Variants in TMPRSS11A observed in about 807,000 individuals in gnomAD.
TMPRSS11A encodes the protein transmembrane serine protease 11A, also known as transmembrane protease serine 11A.
TMPRSS11A carries 53 observed loss-of-function variants against 58.9 expected under a neutral mutation model. That is an observed-to-expected ratio of 0.90 (90% confidence interval 0.72 to 1.13). The LOEUF (loss-of-function observed/expected upper bound fraction) is 1.13. Among genes scored for constraint, TMPRSS11A ranks in the 50% most tolerant of loss-of-function variants. TMPRSS11A has a pLI of 0.00. For missense variants in TMPRSS11A, 493 were observed against 499.3 expected (o/e 0.99, Z 0.12); for synonymous variants, 167 against 169.8 (o/e 0.98, Z 0.13).
intron 1 of TMPRSS11A, among the ~76,000 whole-genome samples, chr4:67,948,628 C>T (rs1721085729): frequency 6.6e-6 from 1 of 152,206 alleles, no homozygotes; most frequent in Admixed American, 6.5e-5. Flanking sequence ...TGTGCACCGA[C>T]TGATTAAAAA....
At chr4:67,944,723 A>T in intron 2 of TMPRSS11A, 86 bp from the exon 3 acceptor site, 2 of 1,091,298 alleles carry the variant, frequency 1.8e-6, no homozygotes, top group Non-Finnish European at 2.7e-6. Context: ...ATAAATCTTG[A>T]ATATGTCCCT....
chr4:67,943,531 C>G (rs144529591), intron 3 of TMPRSS11A, among the ~76,000 whole-genome samples: 5 of 152,066 alleles, frequency 3.3e-5, no homozygotes, highest in African/African-American at 1.2e-4. Flanking sequence ...GCAGGCTCCC[C>G]GTTCATCCTA....
chr4:67,919,925 G>A (rs543065655), intron 7 of TMPRSS11A, among the ~76,000 whole-genome samples: 52 of 152,106 alleles, frequency 3.4e-4, no homozygotes, highest in Non-Finnish European at 1.9e-4. Context: ...ATGATAAAGT[G>A]CTTAAATTTT....
intron 1 of TMPRSS11A, among the ~76,000 whole-genome samples, chr4:67,948,617 A>G (rs2319692): frequency 0.95 from 144,754 of 152,276 alleles, 69,260 homozygotes; most frequent in East Asian, 1. Context: ...TATTGACCAT[A>G]TGTGCACCGA....
chr4:67,957,889 T>C (rs1721325707), intron 1 of TMPRSS11A, among the ~76,000 whole-genome samples: 1 of 152,146 alleles, frequency 6.6e-6, no homozygotes, highest in African/African-American at 2.4e-5. Flanking sequence ...GTCTAGGGAC[T>C]TGTTGCCTTG....
intron 3 of TMPRSS11A, among the ~76,000 whole-genome samples, chr4:67,938,986 CT>C (rs1170115780): frequency 6.6e-6 from 1 of 151,536 alleles, no homozygotes; most frequent in East Asian, 2.0e-4. Flanking sequence ...AGCATTGAAT[CT>C]GTAGATTGCT....
chr4:67,923,716 G>T (rs1418952680), intron 6 of TMPRSS11A, among the ~76,000 whole-genome samples: 1 of 152,070 alleles, frequency 6.6e-6, no homozygotes, highest in Non-Finnish European at 1.5e-5. Context: ...CTCCATGTTG[G>T]TCAGGCTGGT....
At chr4:67,946,426 A>C in intron 2 of TMPRSS11A, 24 bp downstream of exon 2, 1 of 1,572,930 alleles carries the variant, frequency 6.4e-7, no homozygotes, top group Non-Finnish European at 8.6e-7. Flanking sequence ...AATCAAATAG[A>C]GTGAAATCTT....
chr4:67,934,574 A>T (rs546746005), intron 3 of TMPRSS11A, among the ~76,000 whole-genome samples: 6 of 152,188 alleles, frequency 3.9e-5, no homozygotes, highest in African/African-American at 7.2e-5. Flanking sequence ...AGAATTTTGT[A>T]GTTGGAGTTT....
intron 8 of TMPRSS11A, among the ~76,000 whole-genome samples, chr4:67,915,090 T>C (rs1720111061): frequency 6.6e-6 from 1 of 152,256 alleles, no homozygotes. Flanking sequence ...CCTAGATGGT[T>C]TTCTCCATTG....
intron 5 of TMPRSS11A, among the ~76,000 whole-genome samples, chr4:67,925,325 T>C (rs1391148118): frequency 6.6e-6 from 1 of 152,194 alleles, no homozygotes; most frequent in Non-Finnish European, 1.5e-5. Flanking sequence ...ATAAAGTTGG[T>C]GGAAGGTTTC....
intron 5 of TMPRSS11A, among the ~76,000 whole-genome samples, chr4:67,924,779 A>G (rs1485611678): frequency 6.6e-6 from 1 of 152,142 alleles, no homozygotes; most frequent in African/African-American, 2.4e-5. Flanking sequence ...AACTGCACCC[A>G]TGATTTAATT....
intron 7 of TMPRSS11A, among the ~76,000 whole-genome samples, chr4:67,919,761 G>T (rs1720269374): frequency 6.6e-6 from 1 of 152,170 alleles, no homozygotes; most frequent in African/African-American, 2.4e-5. Context: ...TAGTAAAAGA[G>T]GGTCAGTGTG....
At chr4:67,959,672 G>T (rs1166624346) in intron 1 of TMPRSS11A, among the ~76,000 whole-genome samples, 1 of 152,142 alleles carries the variant, frequency 6.6e-6, no homozygotes, top group Non-Finnish European at 1.5e-5. Context: ...TCAAAAAACA[G>T]CAGTTGCTGG....
intron 1 of TMPRSS11A, among the ~76,000 whole-genome samples, chr4:67,952,289 G>A (rs999609742): frequency 5.3e-5 from 8 of 152,212 alleles, no homozygotes; most frequent in East Asian, 3.9e-4. Context: ...TGACTTAGAA[G>A]CCTGTTTTCT....
chr4:67,944,895 G>A (rs758555529), intron 2 of TMPRSS11A, among the ~76,000 whole-genome samples: 13 of 152,104 alleles, frequency 8.5e-5, no homozygotes, highest in Non-Finnish European at 1.5e-4. Context: ...TCTAAGATTG[G>A]TATCACCTTC....
intron 5 of TMPRSS11A, among the ~76,000 whole-genome samples, chr4:67,927,671 C>T (rs1720510403): frequency 6.6e-6 from 1 of 152,176 alleles, no homozygotes; most frequent in Admixed American, 6.5e-5. Flanking sequence ...CCACTGGCCA[C>T]AGAGGTTTCT....
Position 67,930,016 on chromosome 4 carries a change from TAC to T in TMPRSS11A, c.343_344del (p.Val115ArgfsTer12). On this transcript the variant is annotated frameshift_variant, in exon 5 of 10. Transcript: ENST00000508048. LOFTEE classifies it high-confidence loss of function. ...RLTPEEDGVKVDVIMVFQFPS... is the reference protein window; with the variant it reads ...RLTPEEDGVKXDVIMVFQFPS... ...GGAACTGGAACACCATAATGACATC[TAC>T]TTTCACACCATCTTCCTCTGGACTG... 1.2e-6 allele frequency: 2 copies of T among 1,613,070 alleles called. No individual in the cohort carries two copies. The highest frequency in any genetic ancestry group is 1.7e-6 in the Non-Finnish European group (2 of 1,179,420).
At chr4:67,948,616 T>C (rs1178799359) in intron 1 of TMPRSS11A, among the ~76,000 whole-genome samples, 2 of 152,190 alleles carry the variant, frequency 1.3e-5, no homozygotes, top group Non-Finnish European at 1.5e-5. Context: ...ATATTGACCA[T>C]ATGTGCACCG....
Sources: allele counts gnomAD v4.1 joint callset (sites outside exome capture counted in the v4.1 genomes callset), GRCh38; gene constraint gnomAD v4.1.1; transcripts MANE v1.5; gene names NCBI Gene and HGNC (gene_info 2026-07-23, HGNC 2026-07-21).